Variants in TRAK2 observed in about 807,000 individuals in gnomAD.
TRAK2 encodes trafficking kinesin protein 2, also known as trafficking kinesin-binding protein 2.
In TRAK2, 81 loss-of-function variants were observed where a neutral mutation model predicts 104.6. That is an observed-to-expected ratio of 0.77 (90% CI 0.65 to 0.93). The LOEUF is 0.93. Ranked by LOEUF, TRAK2 falls within the 40% of genes least tolerant of loss-of-function variation. The pLI, the probability that TRAK2 is intolerant of heterozygous loss-of-function variation, is 0.00. For missense variants in TRAK2, 1,002 were observed against 1,089.0 expected (o/e 0.92, Z 1.12); for synonymous variants, 406 against 394.4 (o/e 1.03, Z -0.35).
rs549260450 is a variant in TRAK2, at chr2:201,392,896, C to T, written c.1113+13G>A. 28 of 1,602,872 alleles carry T rather than the reference C, an allele frequency of 1.7e-5. No individual in the cohort carries two copies. The South Asian group carries it at 3.0e-4, about 17-fold the overall frequency. ...ATTTCTTTAAATACATAGCATCTTT[C>T]TTAGTTGCTTACCCCAGTAAAAGCT... On this transcript the variant is annotated intron_variant, in intron 10 of 15. Coordinates refer to ENST00000332624, the MANE Select transcript of TRAK2 (RefSeq NM_015049.3).
intron 2 of TRAK2, chr2:201,411,850 T>C: frequency 1.1e-6 from 1 of 879,932 alleles, no homozygotes; most frequent in Non-Finnish European, 1.9e-6. Context: ...GCATTTTTAA[T>C]TCTTGGTATC....
chr2:201,387,054 C>T (rs1182619052), intron 13 of TRAK2, among the ~76,000 whole-genome samples: 1 of 152,168 alleles, frequency 6.6e-6, no homozygotes, highest in Non-Finnish European at 1.5e-5. Flanking sequence ...CAACAAATAT[C>T]TGCACTGATC....
intron 9 of TRAK2, 131 bp from the exon 10 acceptor site, chr2:201,393,177 T>C (rs1383079253): frequency 2.4e-6 from 2 of 841,668 alleles, no homozygotes; most frequent in Non-Finnish European, 3.5e-6. Flanking sequence ...ATCATTTCAA[T>C]ACAAAGACTA....
chr2:201,394,459 G>A (rs991046064), intron 9 of TRAK2, among the ~76,000 whole-genome samples: 3 of 149,792 alleles, frequency 2.0e-5, no homozygotes, highest in East Asian at 3.9e-4. Context: ...CTCCTGCTTC[G>A]CCTCCTGGGT....
intron 14 of TRAK2, among the ~76,000 whole-genome samples, chr2:201,384,976 C>T (rs1951375836): frequency 6.6e-6 from 1 of 152,036 alleles, no homozygotes; most frequent in Admixed American, 6.6e-5. Context: ...CTTGAAAGAA[C>T]TAACAGACAA....
At chr2:201,432,806 C>CA (rs1559453424) in intron 1 of TRAK2, among the ~76,000 whole-genome samples, 1 of 151,874 alleles carries the variant, frequency 6.6e-6, no homozygotes, top group African/African-American at 2.4e-5. Flanking sequence ...CCTGGGATTG[C>CA]AAAAAATGTA....
intron 2 of TRAK2, chr2:201,412,939 C>G: frequency 1.3e-6 from 1 of 777,594 alleles, no homozygotes. Flanking sequence ...ACTGGCTAAA[C>G]TGGCAAAAAA....
chr2:201,424,843 G>T (rs1482864399), intron 1 of TRAK2, among the ~76,000 whole-genome samples: 1 of 151,798 alleles, frequency 6.6e-6, no homozygotes, highest in Non-Finnish European at 1.5e-5. Context: ...TCCTGACCTC[G>T]TGATCCGCCC....
intron 2 of TRAK2, chr2:201,413,155 C>T (rs1951662661): frequency 9.6e-6 from 14 of 1,462,722 alleles, no homozygotes; most frequent in Middle Eastern, 1.7e-4. Context: ...TTTTTTGTGC[C>T]ATTAAAAATC....
rs935101215 is a variant in TRAK2 at position 201,379,249 on chromosome 2, T to G, written c.*1294A>C. The G allele has an allele frequency of 6.6e-6, 1 of 152,138 alleles. No individual in the cohort carries two copies. Among genetic ancestry groups the G allele is most frequent in the Non-Finnish European group, 1.5e-5 (1 of 68,020 alleles). The allele number at this position is 152,138 out of a possible 1,614,324, so 9.4% of individuals were successfully genotyped here. On this transcript the variant is annotated 3_prime_UTR_variant, in exon 16 of 16. Coordinates refer to ENST00000332624, the MANE Select transcript of TRAK2 (RefSeq NM_015049.3). ...TTTCCATTTCTTAGCCTGTGTCAAC[T>G]GCTGAATGCTGAAATCTAACCCCAG...
rs1951969935 is a variant in TRAK2 at position 201,447,001 on chromosome 2, GCT to G, written c.-200+4347_-200+4348del. Among the ~76,000 whole-genome samples, 1 of 152,142 alleles carries G rather than the reference GCT, an allele frequency of 6.6e-6. No homozygotes were observed. The highest frequency in any genetic ancestry group is 1.5e-5 in the Non-Finnish European group (1 of 68,024). On this transcript the variant is annotated intron_variant, in intron 1 of 15. Transcript: ENST00000332624. The surrounding 1 kb of genome is among the most constrained non-coding windows in gnomAD (Gnocchi z 4.1). Reference sequence around the variant, plus strand: ...CCTTTATAATGTTATATTAACAGTGGCTCTGTTTTAGTTAGACATTTCAATAT... The same window carrying G: ...CCTTTATAATGTTATATTAACAGTGGCTGTTTTAGTTAGACATTTCAATAT...
Position 201,389,524 on chromosome 2 carries a change from C to T in TRAK2, c.1194-21G>A, listed in dbSNP as rs374381487. The T allele has an allele frequency of 1.1e-3, 1,832 of 1,609,168 alleles. 19 individuals carry two copies. The South Asian group carries it at 0.015, about 13-fold the overall frequency. On this transcript the variant is annotated intron_variant, in intron 11 of 15. Transcript: ENST00000332624. ...GGGCTCTGTCAAAAAAGGAAGTGTTCGTTATTATCACTGCTAGCCACTAAA... is the reference window on the plus strand; with the variant it reads ...GGGCTCTGTCAAAAAAGGAAGTGTTTGTTATTATCACTGCTAGCCACTAAA...
intron 6 of TRAK2, 57 bp downstream of exon 6, chr2:201,398,088 G>C (rs1286462332): frequency 1.3e-6 from 2 of 1,516,752 alleles, no homozygotes; most frequent in African/African-American, 2.7e-5. Flanking sequence ...AATAGTACCT[G>C]GACCTGAACT....
At chr2:201,425,772 A>T (rs977300837) in intron 1 of TRAK2, among the ~76,000 whole-genome samples, 2 of 151,874 alleles carry the variant, frequency 1.3e-5, no homozygotes, top group Non-Finnish European at 1.5e-5. Context: ...AGAGAGAGAG[A>T]GAGTGAGGAG....
intron 3 of TRAK2, 69 bp from the exon 4 acceptor site, chr2:201,401,163 T>C: frequency 1.9e-6 from 2 of 1,071,772 alleles, no homozygotes; most frequent in Non-Finnish European, 2.7e-6. Flanking sequence ...TTAATAAGAA[T>C]TGAGAGATAA....
intron 14 of TRAK2, among the ~76,000 whole-genome samples, chr2:201,384,721 T>C (rs77645523): frequency 0.045 from 6,851 of 152,324 alleles, 219 homozygotes; most frequent in Non-Finnish European, 0.07. Context: ...TGTACTAGTC[T>C]TCTTTATTGT....
intron 1 of TRAK2, among the ~76,000 whole-genome samples, chr2:201,438,133 A>T (rs888877684): frequency 1.3e-5 from 2 of 152,194 alleles, no homozygotes; most frequent in African/African-American, 4.8e-5. Context: ...CCTGAGCAAA[A>T]GGAACTAGCT....
chr2:201,423,037 C>CCACACACCCACACACA (rs1951756165), intron 1 of TRAK2, among the ~76,000 whole-genome samples: 3 of 134,150 alleles, frequency 2.2e-5, no homozygotes, highest in Non-Finnish European at 3.2e-5. Context: ...AACACCACCA[C>CCACACACCCACACACA]CACACACACA....
At position 201,407,470 on chromosome 2, in the gene TRAK2, T is replaced by A. The variant is rs35590110; in HGVS notation, c.219A>T (p.Pro73=). The change falls in exon 3 of 16, where the codon CCA becomes CCT. Residue 73 remains proline, a synonymous_variant. Coordinates refer to ENST00000332624, the MANE Select transcript of TRAK2 (RefSeq NM_015049.3). The part of the protein sequence containing the change: ...LYENQDWTQS[P]HQRQHASDAL... ...CATCAGATGCATGCTGCCGCTGGTG[T>A]GGAGACTGAGTCCAGTCTTGATTTT... 2.8e-5 allele frequency: 45 copies of A among 1,614,024 alleles called. No individual in the cohort carries two copies. Among genetic ancestry groups the A allele is most frequent in the Non-Finnish European group, 3.6e-5 (42 of 1,179,994 alleles).
Sources: allele counts gnomAD v4.1 joint callset (sites outside exome capture counted in the v4.1 genomes callset), GRCh38; gene constraint gnomAD v4.1.1; non-coding constraint Gnocchi (gnomAD v3.1); transcripts MANE v1.5; gene names NCBI Gene and HGNC (gene_info 2026-07-23, HGNC 2026-07-21).